COMMD2: variants seen among roughly 807,000 people sequenced by gnomAD.
The protein encoded by COMMD2 is COMM domain-containing protein 2.
Under a neutral mutation model 22.5 loss-of-function variants are expected in COMMD2, and 25 were observed. That is an observed-to-expected ratio of 1.11 (90% CI 0.81 to 1.55). The LOEUF (loss-of-function observed/expected upper bound fraction) is 1.55, where lower values mean the gene tolerates loss of function less well. Among genes scored for constraint, COMMD2 ranks in the 40% most tolerant of loss-of-function variants. The pLI, the probability that COMMD2 is intolerant of heterozygous loss-of-function variation, is 0.00. For synonymous variants in COMMD2, 98 were observed against 91.2 expected, an observed-to-expected ratio of 1.07 and a Z score of -0.42; for missense variants, 223 against 232.9, an observed-to-expected ratio of 0.96 and a Z score of 0.28.
intron 4 of COMMD2, among the ~76,000 whole-genome samples, chr3:149,746,763 C>T (rs1328934096): frequency 6.6e-6 from 1 of 152,148 alleles, no homozygotes; most frequent in Non-Finnish European, 1.5e-5. Flanking sequence ...AGCCTGGCTA[C>T]ACAGCGAGAC....
chr3:149,748,930 T>C (rs1393429377), intron 4 of COMMD2, among the ~76,000 whole-genome samples: 1 of 152,182 alleles, frequency 6.6e-6, no homozygotes, highest in African/African-American at 2.4e-5. Context: ...ATGCTCTTAA[T>C]ATTTTGAATT....
intron 4 of COMMD2, among the ~76,000 whole-genome samples, chr3:149,748,728 A>G (rs1015158677): frequency 6.6e-6 from 1 of 152,242 alleles, no homozygotes; most frequent in African/African-American, 2.4e-5. Context: ...TACATAACAA[A>G]GGAGCGTGAC....
chr3:149,740,009 T>C lies in COMMD2; in HGVS notation c.*1512A>G, dbSNP rs1379424114. The stretch of plus-strand genomic sequence containing the variant: ...ACATGGTATCACTCTGATATGAAAA[T>C]CCCTAATTCTTACGAAGCAAAGTAT... On this transcript the variant is annotated 3_prime_UTR_variant, in exon 5 of 5. Transcript: ENST00000473414. 2.0e-5 allele frequency: 3 copies of C among 152,164 alleles called. No homozygotes were observed. The highest frequency in any genetic ancestry group is 7.2e-5 in the African/African-American group (3 of 41,440). The allele number at this position is 152,164 out of a possible 1,614,324, so 9.4% of individuals were successfully genotyped here.
rs978074663 is a variant in COMMD2 at position 149,740,775 on chromosome 3, A to G, written c.*746T>C. On this transcript the variant is annotated 3_prime_UTR_variant, in exon 5 of 5. Transcript: ENST00000473414. ...TATTACATTGTGAATTTTATTTTCA[A>G]ATTTGATCAATAAAGATGAAAATAA... is the stretch of plus-strand genomic sequence containing the variant. 6.6e-6 allele frequency: 1 copy of G among 152,270 alleles called. No homozygotes were observed. Among genetic ancestry groups the G allele is most frequent in the African/African-American group, 2.4e-5 (1 of 41,458 alleles). 9.4% of individuals were successfully genotyped at this position (152,270 alleles called of 1,614,324 possible). A position where few individuals can be genotyped will look rare whatever the true frequency, so the allele number is the denominator to read the frequency against.
chr3:149,747,342 C>A (rs371935738), intron 4 of COMMD2, among the ~76,000 whole-genome samples: 1 of 152,290 alleles, frequency 6.6e-6, no homozygotes. Flanking sequence ...ACCTTTGGGG[C>A]ATCCCAATGT....
In COMMD2 at chr3:149,750,781, A is replaced by C. The variant is rs777649428; in HGVS notation, c.299T>G (p.Leu100Arg). The change falls in exon 4 of 5, where the codon CTT (leucine) becomes CGT (arginine). Residue 100 changes from leucine to arginine, a missense_variant. Physicochemically the swap from Leu to Arg is moderately radical, Grantham distance 102. Transcript: ENST00000473414. ...TTTTCTGTTGTCCAGATAAAGCTGA[A>C]GCAACAATTTGTTTAATTCTTCAGA... Reference protein sequence around the residue: ...GFSEELNKLLLQLYLDNRKEI... With the variant: ...GFSEELNKLLRQLYLDNRKEI... 1 of 1,606,974 alleles carries C rather than the reference A, an allele frequency of 6.2e-7. No individual in the cohort carries two copies. Among genetic ancestry groups the C allele is most frequent in the African/African-American group, 1.3e-5 (1 of 74,842 alleles).
chr3:149,744,712 T>C (rs1436870576), intron 4 of COMMD2, among the ~76,000 whole-genome samples: 2 of 152,236 alleles, frequency 1.3e-5, no homozygotes, highest in African/African-American at 4.8e-5. Context: ...TATGCATTTC[T>C]CTATGAGCAG....
At chr3:149,749,673 T>G (rs1237491170) in intron 4 of COMMD2, among the ~76,000 whole-genome samples, 2 of 152,230 alleles carry the variant, frequency 1.3e-5, no homozygotes, top group Non-Finnish European at 2.9e-5. Context: ...ATATTCTGCC[T>G]TCTCTACTAA....
intron 4 of COMMD2, among the ~76,000 whole-genome samples, chr3:149,749,055 C>A (rs1027920327): frequency 6.6e-6 from 1 of 151,422 alleles, no homozygotes; most frequent in Non-Finnish European, 1.5e-5. Flanking sequence ...CCCTCTGTTG[C>A]CCAGGCTGGA....
chr3:149,744,954 C>G (rs1716327111), intron 4 of COMMD2, among the ~76,000 whole-genome samples: 1 of 152,138 alleles, frequency 6.6e-6, no homozygotes, highest in Non-Finnish European at 1.5e-5. Flanking sequence ...AATTCAACTT[C>G]TTAATTTTAA....
chr3:149,750,209 A>G (rs1317258837), intron 4 of COMMD2: 1 of 192,348 alleles, frequency 5.2e-6, no homozygotes, highest in Non-Finnish European at 1.1e-5. Context: ...ATACAAAGTT[A>G]AAAGACAGGT....
In COMMD2 at chr3:149,750,818, CA is replaced by C; in HGVS notation, c.261del (p.Phe87LeufsTer9). The C allele has an allele frequency of 5.7e-6, 9 of 1,592,744 alleles. No individual in the cohort carries two copies. Among genetic ancestry groups the C allele is most frequent in the Non-Finnish European group, 7.7e-6 (9 of 1,168,586 alleles). On this transcript the variant is annotated frameshift_variant, in exon 4 of 5. Transcript: ENST00000473414. LOFTEE classifies it high-confidence loss of function. ...TTTAATTCTTCAGAGAATCCCAGAA[CA>C]AAAACAGAGTCTTGGAAATCCAGTT... ...ISELDFQDSV[F>X]VLGFSEELNK... is the part of the protein sequence containing the mutation.
intron 4 of COMMD2, among the ~76,000 whole-genome samples, chr3:149,747,340 G>A (rs1300014128): frequency 2.6e-5 from 4 of 152,158 alleles, no homozygotes; most frequent in Non-Finnish European, 5.9e-5. Flanking sequence ...TGACCTTTGG[G>A]GCATCCCAAT....
At chr3:149,744,419 T>C (rs1445203916) in intron 4 of COMMD2, among the ~76,000 whole-genome samples, 2 of 152,188 alleles carry the variant, frequency 1.3e-5, no homozygotes, top group Admixed American at 6.5e-5. Flanking sequence ...AATGGACCAG[T>C]CCTAAAAGGA....
chr3:149,751,121 G>T (rs193037149), intron 3 of COMMD2, among the ~76,000 whole-genome samples: 141 of 152,164 alleles, frequency 9.3e-4, no homozygotes, highest in African/African-American at 3.3e-3. Context: ...ACAAAATACT[G>T]ATACAGTCTC....
chr3:149,752,265 A>G lies in COMMD2; in HGVS notation c.90T>C (p.Ile30=), dbSNP rs1275159485. 6.2e-7 allele frequency: 1 copy of G among 1,614,016 alleles called. No individual in the cohort carries two copies. Among genetic ancestry groups the G allele is most frequent in the Admixed American group, 1.7e-5 (1 of 60,002 alleles). Residue 30 remains isoleucine, a synonymous_variant, in exon 2 of 5, where the codon ATT becomes ATC. Coordinates refer to ENST00000473414, the MANE Select transcript of COMMD2 (RefSeq NM_016094.4). Reference sequence around the variant, plus strand: ...CGCCGCGTCTCAGGAATTCCACAGCAATCCGCCCAAACTCGGCGACCACTG... The same window carrying G: ...CGCCGCGTCTCAGGAATTCCACAGCGATCCGCCCAAACTCGGCGACCACTG... The part of the protein sequence containing the change: ...DSAVVAEFGR[I]AVEFLRRGAN...
intron 4 of COMMD2, among the ~76,000 whole-genome samples, chr3:149,746,295 T>C (rs925828778): frequency 1.3e-5 from 2 of 152,070 alleles, no homozygotes; most frequent in African/African-American, 4.8e-5. Flanking sequence ...GACTTGCAGA[T>C]GGACTAGATG....
In COMMD2 at chr3:149,747,972, G is replaced by A. The variant is rs6440636; in HGVS notation, c.402+2706C>T. Reference sequence around the variant, plus strand: ...CAAAAAAAAAAAAAAAAAAAAAAAAGGCTTAGTATAGAAAGGAGCAAAATA... The same window carrying A: ...CAAAAAAAAAAAAAAAAAAAAAAAAAGCTTAGTATAGAAAGGAGCAAAATA... On this transcript the variant is annotated intron_variant, in intron 4 of 4. Coordinates refer to ENST00000473414, the MANE Select transcript of COMMD2 (RefSeq NM_016094.4). 9.3e-3 allele frequency among the ~76,000 whole-genome samples: 1,202 copies of A among 129,266 alleles called. 29 individuals are homozygous for A. The highest frequency in any genetic ancestry group is 0.042 in the African/African-American group (1,133 of 26,794). The allele number at this position is 129,266 out of a possible 152,430, so 84.8% of individuals were successfully genotyped here. A position where few individuals can be genotyped will look rare whatever the true frequency, so the allele number is the denominator to read the frequency against.
intron 2 of COMMD2, 159 bp from the exon 3 acceptor site, chr3:149,751,644 A>C (rs1576661078): frequency 1.8e-6 from 1 of 564,680 alleles, no homozygotes; most frequent in Non-Finnish European, 2.9e-6. Flanking sequence ...TTGTCATTCC[A>C]CTCCCAGCCA....
Sources: gnomAD v4.1 joint callset for allele counts (sites outside exome capture counted in the v4.1 genomes callset) on GRCh38, gnomAD v4.1.1 for gene constraint, MANE v1.5 for transcripts, NCBI Gene and HGNC (gene_info 2026-07-23, HGNC 2026-07-21) for gene names.